The following AP5Z1 variants were observed in gnomAD, a reference collection of about 807,000 sequenced individuals.
AP5Z1 encodes the protein AP-5 complex subunit zeta-1.
In AP5Z1, 106 loss-of-function variants were observed where a neutral mutation model predicts 83.0. That is an observed-to-expected ratio of 1.28 (90% CI 1.09 to 1.50). The LOEUF is 1.50. Ranked by LOEUF, AP5Z1 falls within the 40% of genes most tolerant of loss-of-function variation. AP5Z1 has a pLI of 0.00. For missense variants in AP5Z1, 1,565 were observed against 1,094.2 expected (o/e 1.43, Z -6.07); for synonymous variants, 751 against 514.1 (o/e 1.46, Z -6.23).
intron 5 of AP5Z1, 91 bp downstream of exon 5, chr7:4,783,889 T>A: frequency 7.4e-7 from 1 of 1,357,054 alleles, no homozygotes; most frequent in Non-Finnish European, 1.0e-6. Flanking sequence ...CGAGGCCTGC[T>A]GTCGTTCCGC....
chr7:4,790,114 C>G (rs1781708561), intron 14 of AP5Z1, 185 bp downstream of exon 14: 1 of 1,393,946 alleles, frequency 7.2e-7, no homozygotes. Context: ...CTCTGCTTCT[C>G]AAGAACATTC....
chr7:4,786,588 G>T (rs1251240192), intron 10 of AP5Z1, among the ~76,000 whole-genome samples, 160 bp downstream of exon 10: 3 of 152,106 alleles, frequency 2.0e-5, no homozygotes, highest in African/African-American at 7.2e-5. Context: ...GGGATCTGGG[G>T]TGTCCCTGCA....
Position 4,781,672 on chromosome 7 carries a change from C to A in AP5Z1, c.284C>A (p.Pro95His). 2 of 1,600,098 alleles carry A rather than the reference C, an allele frequency of 1.2e-6. No homozygotes were observed. ...GCCGCCATCCTGCGAGAGATGTCCC[C>A]CTCTGACAGCCTCAGCCTGGCCTGG... ...LCAAILREMS[P>H]SDSLSLAWDH... The change falls in exon 3 of 17, where the codon CCC becomes CAC. Residue 95 changes from proline to histidine, a missense_variant. Transcript: ENST00000649063.
Position 4,792,616 on chromosome 7 carries a change from T to G in AP5Z1, c.*1231T>G, listed in dbSNP as rs1168011321. 6.6e-6 allele frequency: 1 copy of G among 152,152 alleles called. No individual in the cohort carries two copies. Among genetic ancestry groups the G allele is most frequent in the Non-Finnish European group, 1.5e-5 (1 of 68,016 alleles). The allele number at this position is 152,152 out of a possible 1,614,324, so 9.4% of individuals were successfully genotyped here. ...CTCGCCTGCCCCACAGCCTGGGCCT[T>G]GGGTCGCGTTCCGAGCTCCAGGACG... On this transcript the variant is annotated 3_prime_UTR_variant, in exon 17 of 17. Coordinates refer to ENST00000649063, the MANE Select transcript of AP5Z1 (RefSeq NM_014855.3).
intron 1 of AP5Z1, 63 bp from the exon 2 acceptor site, chr7:4,781,107 AGGGTT>A: frequency 6.4e-7 from 1 of 1,572,244 alleles, no homozygotes; most frequent in Non-Finnish European, 8.6e-7. Context: ...CCCTGCTCCA[AGGGTT>A]ATCCTTTTTT....
rs1474660476 is a variant in AP5Z1, at chr7:4,783,724, T to A, written c.547T>A (p.Trp183Arg). ...CCTGCTCAGCAAGCGGCTGGTCGAC[T>A]GGCTGCGCTACGCCAGCCTCCAGCA... The part of the protein sequence containing the change: ...ATLLSKRLVD[W>R]LRYASLQQGL... Residue 183 changes from tryptophan to arginine, a missense_variant, in exon 5 of 17, where the codon TGG becomes AGG. Transcript: ENST00000649063. The A allele has an allele frequency of 1.3e-6, 2 of 1,550,598 alleles. No individual in the cohort carries two copies. The highest frequency in any genetic ancestry group is 2.4e-5 in the South Asian group (2 of 84,074).
At chr7:4,777,538 C>A (rs370273731) in intron 1 of AP5Z1, among the ~76,000 whole-genome samples, 2 of 152,112 alleles carry the variant, frequency 1.3e-5, no homozygotes, top group Non-Finnish European at 2.9e-5. Flanking sequence ...CAGGCGCCCG[C>A]CACCACACCC....
intron 1 of AP5Z1, among the ~76,000 whole-genome samples, chr7:4,778,530 C>T (rs919649738): frequency 3.3e-5 from 5 of 151,714 alleles, no homozygotes; most frequent in African/African-American, 7.3e-5. Context: ...AAGGCGGGGC[C>T]GGGCTCTTGG....
chr7:4,785,382 A>G (rs1318701088), intron 7 of AP5Z1, 33 bp from the exon 8 acceptor site: 1 of 1,609,988 alleles, frequency 6.2e-7, no homozygotes, highest in South Asian at 1.1e-5. Flanking sequence ...TAAGGCTGAG[A>G]CAGAGCCGGC....
At chr7:4,778,789 T>C (rs1212175193) in intron 1 of AP5Z1, among the ~76,000 whole-genome samples, 1 of 145,674 alleles carries the variant, frequency 6.9e-6, no homozygotes, top group African/African-American at 2.5e-5. Flanking sequence ...TAGTAATATA[T>C]AATATAATTA....
Position 4,787,658 on chromosome 7 carries a change from C to T in AP5Z1, c.1336C>T (p.Leu446Phe). Residue 446 changes from leucine to phenylalanine, a missense_variant, in exon 11 of 17, where the codon CTC becomes TTC. By Grantham distance (22) the Leu-to-Phe change is conservative (BLOSUM62 0). Coordinates refer to ENST00000649063, the MANE Select transcript of AP5Z1 (RefSeq NM_014855.3). ...GTTCCTGGCCTGGAACAGCCCACCC[C>T]TCACCTCCGAGTTTGTGGCGCTCCT... ...FKFLAWNSPPLTSEFVALLPA... is the reference protein window; with the variant it reads ...FKFLAWNSPPFTSEFVALLPA... 1 of 1,553,418 alleles carries T rather than the reference C, an allele frequency of 6.4e-7. No individual in the cohort carries two copies. Among genetic ancestry groups the T allele is most frequent in the Non-Finnish European group, 8.7e-7 (1 of 1,148,966 alleles).
intron 1 of AP5Z1, among the ~76,000 whole-genome samples, chr7:4,777,040 G>T (rs543286236): frequency 3.9e-5 from 6 of 152,116 alleles, no homozygotes; most frequent in Non-Finnish European, 5.9e-5. Flanking sequence ...TCTAAAGCCC[G>T]AACAGGACAA....
chr7:4,784,725 C>T (rs1175270191), intron 6 of AP5Z1, among the ~76,000 whole-genome samples, 183 bp from the exon 7 acceptor site: 1 of 152,206 alleles, frequency 6.6e-6, no homozygotes, highest in African/African-American at 2.4e-5. Context: ...GCCTCAGCCA[C>T]CCTGAAGGGC....
rs189672561 is a variant in AP5Z1 at position 4,778,047 on chromosome 7, G to A, written c.41+2291G>A. On this transcript the variant is annotated intron_variant, in intron 1 of 16. Transcript: ENST00000649063. ...CAGCCTGGACAACATAGCGAGACCC[G>A]TCTCTACAAAACAGAATTTTTAAAA... Among the ~76,000 whole-genome samples, 9 of 152,306 alleles carry A rather than the reference G, an allele frequency of 5.9e-5. No homozygotes were observed. The East Asian group carries it at 9.7e-4, about 16-fold the overall frequency.
At chr7:4,780,628 T>C (rs757655461) in intron 1 of AP5Z1, among the ~76,000 whole-genome samples, 3 of 152,014 alleles carry the variant, frequency 2.0e-5, no homozygotes, top group Non-Finnish European at 2.9e-5. Flanking sequence ...TAGCCGGGCG[T>C]GGTGGTGGGT....
Position 4,788,244 on chromosome 7 carries a change from G to C in AP5Z1, c.1545G>C (p.Gln515His). 6.3e-7 allele frequency: 1 copy of C among 1,585,976 alleles called. No individual in the cohort carries two copies. The highest frequency in any genetic ancestry group is 8.6e-7 in the Non-Finnish European group (1 of 1,167,482). ...AGGCCTTCCGGGACCCGCAGTTCCA[G>C]GGTCTTTTCCAATACCTGCTGCGCC... Reference protein sequence around the residue: ...CLEAFRDPQFQGLFQYLLRPK... With the variant: ...CLEAFRDPQFHGLFQYLLRPK... The change falls in exon 12 of 17, where the codon CAG (glutamine) becomes CAC (histidine). Residue 515 changes from glutamine to histidine, a missense_variant. By Grantham distance (24) the Gln-to-His change is conservative. Transcript: ENST00000649063.
chr7:4,778,516 A>T (rs1271838251), intron 1 of AP5Z1, among the ~76,000 whole-genome samples: 1 of 151,854 alleles, frequency 6.6e-6, no homozygotes, highest in East Asian at 1.9e-4. Context: ...GAGTCTGGAG[A>T]AGGAAGGCGG....
At chr7:4,789,990 T>TCCCCCCCCCC in intron 14 of AP5Z1, 61 bp downstream of exon 14, 1 of 733,588 alleles carries the variant, frequency 1.4e-6, no homozygotes, top group South Asian at 3.7e-5. Flanking sequence ...CTCCTCCCCC[T>TCCCCCCCCCC]CTCCCCTCCC....
At chr7:4,779,126 CATATTAT>C (rs1310951570) in intron 1 of AP5Z1, among the ~76,000 whole-genome samples, 3 of 139,500 alleles carry the variant, frequency 2.2e-5, no homozygotes, top group Admixed American at 7.6e-5. Context: ...TGAGATAGAG[CATATTAT>C]ATATTATATA....
Sources: gnomAD v4.1 joint callset for allele counts (sites outside exome capture counted in the v4.1 genomes callset) on GRCh38, gnomAD v4.1.1 for gene constraint, MANE v1.5 for transcripts, NCBI Gene and HGNC (gene_info 2026-07-23, HGNC 2026-07-21) for gene names.